Variants in GARIN1A observed in about 807,000 individuals in gnomAD.
The protein encoded by GARIN1A is golgi associated RAB2 interactor 1A.
chr7:128,672,244 G>A, the GARIN1A span: 1 of 570,892 alleles, frequency 1.8e-6, no homozygotes, highest in Non-Finnish European at 3.1e-6. Context: ...GCCATTGTGA[G>A]CTGACAGGCC....
the GARIN1A span, chr7:128,680,231 T>C: frequency 7.5e-6 from 5 of 667,400 alleles, no homozygotes; most frequent in Non-Finnish European, 1.2e-5. Context: ...CAGTTCCTTC[T>C]TTGTATTCTT....
chr7:128,704,670 G>A, the GARIN1A span, among the ~76,000 whole-genome samples: 15 of 152,246 alleles, frequency 9.9e-5, no homozygotes, highest in Admixed American at 3.3e-4. Flanking sequence ...GGGTTCGCAC[G>A]CCTATGAGAA....
the GARIN1A span, among the ~76,000 whole-genome samples, chr7:128,689,413 T>C: frequency 6.0e-5 from 9 of 151,194 alleles, no homozygotes; most frequent in Middle Eastern, 3.4e-3. Flanking sequence ...CTGCCCCGTC[T>C]GGGATGTGAG....
the GARIN1A span, among the ~76,000 whole-genome samples, chr7:128,678,955 A>G: frequency 4.5e-5 from 6 of 133,618 alleles, no homozygotes; most frequent in Non-Finnish European, 8.2e-5. Flanking sequence ...CATATGTAAC[A>G]ATCGTTACAT....
chr7:128,679,989 C>A, the GARIN1A span: 1 of 1,295,742 alleles, frequency 7.7e-7, no homozygotes, highest in Non-Finnish European at 1.1e-6. Context: ...CAAGAACTCT[C>A]TGAGCAGACC....
the GARIN1A span, chr7:128,677,900 T>C: frequency 1.7e-6 from 2 of 1,160,084 alleles, no homozygotes; most frequent in Non-Finnish European, 2.4e-6. Flanking sequence ...TAGACTTGTT[T>C]CCATGTCTTT....
At chr7:128,679,105 ATT>A in the GARIN1A span, among the ~76,000 whole-genome samples, 1 of 151,346 alleles carries the variant, frequency 6.6e-6, no homozygotes, top group Non-Finnish European at 1.5e-5. Flanking sequence ...ATATATATAT[ATT>A]AATGCCATAT....
At chr7:128,678,081 C>T in the GARIN1A span, 3 of 219,220 alleles carry the variant, frequency 1.4e-5, no homozygotes, top group South Asian at 5.7e-5. Context: ...AGTGCAATGG[C>T]GCGATCTCGG....
the GARIN1A span, among the ~76,000 whole-genome samples, chr7:128,689,630 C>T: frequency 1.4e-5 from 2 of 140,592 alleles, 1 homozygote; most frequent in African/African-American, 5.2e-5. Flanking sequence ...GGAGCCCCTC[C>T]GCCCGGCAGC....
the GARIN1A span, chr7:128,672,509 T>G: frequency 6.2e-7 from 1 of 1,610,296 alleles, no homozygotes; most frequent in Non-Finnish European, 8.5e-7. Flanking sequence ...AGAATTCAAT[T>G]TGTTCTCCAA....
the GARIN1A span, among the ~76,000 whole-genome samples, chr7:128,674,755 C>T: frequency 1.3e-5 from 2 of 152,080 alleles, no homozygotes; most frequent in African/African-American, 4.8e-5. Flanking sequence ...TTCCCTCATC[C>T]CCAGTTCCAC....
At chr7:128,672,746 G>A in the GARIN1A span, among the ~76,000 whole-genome samples, 1 of 152,122 alleles carries the variant, frequency 6.6e-6, no homozygotes, top group African/African-American at 2.4e-5. Context: ...GTATGATAGA[G>A]CTACCTGCAG....
At chr7:128,680,113 C>G in the GARIN1A span, 1 of 1,574,656 alleles carries the variant, frequency 6.4e-7, no homozygotes, top group Admixed American at 1.9e-5. Flanking sequence ...GGCAGTTTCT[C>G]ACAGCTCTCA....
the GARIN1A span, among the ~76,000 whole-genome samples, chr7:128,682,778 T>C: frequency 2.6e-5 from 4 of 152,296 alleles, no homozygotes; most frequent in East Asian, 1.9e-4. Flanking sequence ...GGTTTCACCA[T>C]GTTGGCCAGG....
the GARIN1A span, among the ~76,000 whole-genome samples, chr7:128,699,788 G>A: frequency 8.5e-4 from 130 of 152,274 alleles, no homozygotes; most frequent in Non-Finnish European, 1.6e-3. Flanking sequence ...TGGTCTGCAT[G>A]CTATATCAAT....
the GARIN1A span, among the ~76,000 whole-genome samples, chr7:128,689,366 G>A: frequency 5.3e-5 from 8 of 151,926 alleles, no homozygotes; most frequent in Non-Finnish European, 1.0e-4. Flanking sequence ...GAGCATCTCT[G>A]CCCGGCCGCC....
chr7:128,708,199 T>A, the GARIN1A span, among the ~76,000 whole-genome samples: 2,037 of 119,744 alleles, frequency 0.017, 55 homozygotes, highest in African/African-American at 0.06. Context: ...TTTTTTTTTT[T>A]AATTTTTAGT....
chr7:128,679,875 G>T, the GARIN1A span, among the ~76,000 whole-genome samples: 1 of 152,130 alleles, frequency 6.6e-6, no homozygotes, highest in Non-Finnish European at 1.5e-5. Context: ...TTTCTTGTTG[G>T]ATGATTCTCG....
chr7:128,694,973 TTATCTC>T, the GARIN1A span, among the ~76,000 whole-genome samples: 1 of 152,224 alleles, frequency 6.6e-6, no homozygotes, highest in South Asian at 2.1e-4. Context: ...TGTACTGACA[TTATCTC>T]TATAGCAAGT....
Sources: allele counts gnomAD v4.1 joint callset (sites outside exome capture counted in the v4.1 genomes callset), GRCh38; gene constraint gnomAD v4.1.1; transcripts MANE v1.5; gene names NCBI Gene and HGNC (gene_info 2026-07-23, HGNC 2026-07-21).